CPQ: variants seen among roughly 807,000 people sequenced by gnomAD.
The protein encoded by CPQ is carboxypeptidase Q.
A neutral mutation model predicts 45.7 loss-of-function variants in CPQ; 37 were observed. The observed-to-expected ratio is 0.81, with a 90% CI of 0.62 to 1.07. The LOEUF is 1.07. CPQ is among the 50% of genes least tolerant of loss of function. The pLI is 0.00. For missense variants in CPQ, 537 were observed against 572.9 expected, an observed-to-expected ratio of 0.94 and a Z score of 0.64; for synonymous variants, 186 against 205.8, an observed-to-expected ratio of 0.90 and a Z score of 0.82.
At chr8:96,891,983 G>A (rs1370583637) in intron 4 of CPQ, among the ~76,000 whole-genome samples, 1 of 152,146 alleles carries the variant, frequency 6.6e-6, no homozygotes, top group Non-Finnish European at 1.5e-5. Flanking sequence ...TATATTACAA[G>A]CTGAGGAAGT....
intron 2 of CPQ, among the ~76,000 whole-genome samples, chr8:96,824,909 A>ATATTGAATTGAAT (rs1811357741): frequency 6.6e-6 from 1 of 152,094 alleles, no homozygotes; most frequent in Non-Finnish European, 1.5e-5. Flanking sequence ...AATTCAATTC[A>ATATTGAATTGAAT]GCAAACATAT....
Position 96,983,556 on chromosome 8 carries a change from T to G in CPQ, c.961+17510T>G, listed in dbSNP as rs144136926. Among the ~76,000 whole-genome samples, 694 of 152,286 alleles carry G rather than the reference T, an allele frequency of 4.6e-3. 6 individuals are homozygous for G. Among genetic ancestry groups the G allele is most frequent in the Non-Finnish European group, 6.9e-3 (469 of 67,998 alleles). On this transcript the variant is annotated intron_variant, in intron 5 of 7. Transcript: ENST00000220763. ...AAAAGAAGATATAGCCTCCCTTTGC[T>G]GGGAATAGAGTTCTACATAGTTCAT...
intron 6 of CPQ, among the ~76,000 whole-genome samples, chr8:97,048,476 G>C (rs1810299123): frequency 6.6e-6 from 1 of 152,168 alleles, no homozygotes; most frequent in Non-Finnish European, 1.5e-5. Flanking sequence ...TTTTGTTTTA[G>C]TTTCTAAAAA....
At chr8:96,654,170 T>C (rs1172482721) in intron 1 of CPQ, among the ~76,000 whole-genome samples, 5 of 152,224 alleles carry the variant, frequency 3.3e-5, no homozygotes, top group African/African-American at 1.2e-4. Flanking sequence ...CTCCGTCAAG[T>C]TGTCTTCTGT....
At chr8:96,833,628 G>A (rs1196081478) in intron 2 of CPQ, among the ~76,000 whole-genome samples, 2 of 152,098 alleles carry the variant, frequency 1.3e-5, no homozygotes, top group Admixed American at 6.5e-5. Context: ...ACTCTTATTT[G>A]TATTTTTATG....
chr8:96,649,631 G>A (rs1048854437), intron 1 of CPQ, among the ~76,000 whole-genome samples: 2 of 152,164 alleles, frequency 1.3e-5, no homozygotes, highest in Admixed American at 6.5e-5. Context: ...GGAGAAAGAC[G>A]GTGAGTGAGC....
chr8:96,747,712 A>G (rs546784428), intron 1 of CPQ, among the ~76,000 whole-genome samples: 11 of 152,148 alleles, frequency 7.2e-5, no homozygotes, highest in African/African-American at 2.7e-4. Flanking sequence ...GGGGTTTGCA[A>G]TGAGGTCAGT....
chr8:96,807,742 T>G (rs566581964), intron 2 of CPQ, among the ~76,000 whole-genome samples: 32 of 152,336 alleles, frequency 2.1e-4, no homozygotes, highest in Admixed American at 1.8e-3. Context: ...CAACTACAGT[T>G]TCTCTAAAGC....
rs140863507 is a variant in CPQ, at chr8:96,902,333, G to A, written c.849+22328G>A. The stretch of plus-strand genomic sequence containing the variant: ...CTATTTAGCAGATGAAGTAACTGAG[G>A]CACAAAGAGGCCAAATAAATTGTCC... On this transcript the variant is annotated intron_variant, in intron 4 of 7. Coordinates refer to ENST00000220763, the MANE Select transcript of CPQ (RefSeq NM_016134.4). Among the ~76,000 whole-genome samples, 468 of 152,282 alleles carry A rather than the reference G, an allele frequency of 3.1e-3. 1 individual carries two copies. Among genetic ancestry groups the A allele is most frequent in the African/African-American group, 0.011 (440 of 41,568 alleles).
rs565228323 is a variant in CPQ at position 96,746,280 on chromosome 8, A to G, written c.-34-38584A>G. 1.1e-3 allele frequency among the ~76,000 whole-genome samples: 172 copies of G among 152,374 alleles called. 2 individuals carry two copies. The highest frequency in any genetic ancestry group is 3.9e-3 in the African/African-American group (164 of 41,592). Reference sequence around the variant, plus strand: ...AGACTCCATTTAATAGCATGTTAATATATTAAAACCCTTAATAATAAATTC... The same window carrying G: ...AGACTCCATTTAATAGCATGTTAATGTATTAAAACCCTTAATAATAAATTC... On this transcript the variant is annotated intron_variant, in intron 1 of 7. Coordinates refer to ENST00000220763, the MANE Select transcript of CPQ (RefSeq NM_016134.4).
intron 6 of CPQ, among the ~76,000 whole-genome samples, chr8:97,044,674 C>T (rs2130496073): frequency 6.6e-6 from 1 of 152,210 alleles, no homozygotes; most frequent in Non-Finnish European, 1.5e-5. Flanking sequence ...TGTGGATGTC[C>T]TTTCTGTTTG....
intron 5 of CPQ, among the ~76,000 whole-genome samples, chr8:97,001,721 C>CTTTTTTTTTTTTTTTTTTTTTTT (rs61282246): frequency 3.3e-5 from 3 of 92,090 alleles, no homozygotes; most frequent in African/African-American, 4.3e-5. Flanking sequence ...TTCTTTCTTT[C>CTTTTTTTTTTTTTTTTTTTTTTT]TTTTTTTTTT....
chr8:96,725,741 C>A lies in CPQ; in HGVS notation c.-34-59123C>A, dbSNP rs574120475. On this transcript the variant is annotated intron_variant, in intron 1 of 7. Transcript: ENST00000220763. The stretch of plus-strand genomic sequence containing the variant: ...AGCAATCCCATTATTTGGTATATAC[C>A]CAAAAGAAAATAAATCATTTTACCA... Among the ~76,000 whole-genome samples the A allele has an allele frequency of 2.0e-5, 3 of 152,074 alleles. No individual in the cohort carries two copies. In the South Asian group the frequency reaches 6.2e-4, roughly 32 times the overall value.
intron 1 of CPQ, among the ~76,000 whole-genome samples, chr8:96,730,895 A>G (rs1586376918): frequency 1.6e-5 from 2 of 122,342 alleles, no homozygotes; most frequent in Admixed American, 9.3e-5. Context: ...ATATATATGC[A>G]TTTTTTTTTA....
chr8:97,052,471 A>T (rs1226217501), intron 6 of CPQ, among the ~76,000 whole-genome samples: 1 of 152,226 alleles, frequency 6.6e-6, no homozygotes, highest in Non-Finnish European at 1.5e-5. Flanking sequence ...TTACACATGC[A>T]TTATAAGCCT....
intron 1 of CPQ, among the ~76,000 whole-genome samples, chr8:96,743,805 G>T (rs1379834852): frequency 6.6e-6 from 1 of 152,240 alleles, no homozygotes; most frequent in Non-Finnish European, 1.5e-5. Context: ...AGGGGTCAGG[G>T]ACCCACTTGC....
In CPQ at chr8:96,654,075, C is replaced by T. The variant is rs761066560; in HGVS notation, c.-35+8673C>T. ...CAAATGCAGTCTTAAATAATCAGAA[C>T]GCTTCTGCCAGATTGTCTGATGTTA... On this transcript the variant is annotated intron_variant, in intron 1 of 7. Coordinates refer to ENST00000220763, the MANE Select transcript of CPQ (RefSeq NM_016134.4). 6.6e-5 allele frequency among the ~76,000 whole-genome samples: 10 copies of T among 152,190 alleles called. 1 individual carries two copies. Among genetic ancestry groups the T allele is most frequent in the Non-Finnish European group, 8.8e-5 (6 of 68,038 alleles).
chr8:96,713,681 G>C (rs1358497882), intron 1 of CPQ, among the ~76,000 whole-genome samples: 2 of 152,188 alleles, frequency 1.3e-5, no homozygotes, highest in East Asian at 1.9e-4. Flanking sequence ...GGGGATTATG[G>C]GAACTACAAC....
intron 1 of CPQ, among the ~76,000 whole-genome samples, chr8:96,748,269 T>C (rs946286787): frequency 2.0e-5 from 3 of 147,542 alleles, no homozygotes; most frequent in Non-Finnish European, 3.1e-5. Context: ...AATAAGTTGC[T>C]TTTTTTTCTG....
Sources: allele counts gnomAD v4.1 joint callset (sites outside exome capture counted in the v4.1 genomes callset), GRCh38; gene constraint gnomAD v4.1.1; transcripts MANE v1.5; gene names NCBI Gene and HGNC (gene_info 2026-07-23, HGNC 2026-07-21).